FAM114A1: variants seen among roughly 807,000 people sequenced by gnomAD.
The protein encoded by FAM114A1 is family with sequence similarity 114 member A1.
A neutral mutation model predicts 64.3 loss-of-function variants in FAM114A1; 62 were observed. The ratio of observed to expected loss-of-function variants is 0.96; its 90% CI spans 0.79 to 1.19. The LOEUF is 1.19. Among genes scored for constraint, FAM114A1 ranks in the 50% most tolerant of loss-of-function variants. The probability of loss-of-function intolerance (pLI) is 0.00; values close to 1 mark genes in which losing one functional copy is unlikely to be tolerated. For synonymous variants in FAM114A1, 254 were observed against 251.1 expected (o/e 1.01, Z -0.11); for missense variants, 645 against 676.3 (o/e 0.95, Z 0.51).
intron 10 of FAM114A1, among the ~76,000 whole-genome samples, chr4:38,930,857 T>A: frequency 6.6e-6 from 1 of 152,312 alleles, no homozygotes; most frequent in East Asian, 1.9e-4. Flanking sequence ...ACTGCACTCA[T>A]GTGAAATTAA....
At chr4:38,898,771 G>C (rs1019718032) in intron 4 of FAM114A1, among the ~76,000 whole-genome samples, 14 of 151,896 alleles carry the variant, frequency 9.2e-5, no homozygotes. Flanking sequence ...CTCCCTTTTT[G>C]CTGCACTATA....
In FAM114A1 at chr4:38,894,194, G is replaced by A. The variant is rs377685561; in HGVS notation, c.436+2364G>A. Among the ~76,000 whole-genome samples, 546 of 145,638 alleles carry A rather than the reference G, an allele frequency of 3.7e-3. 5 individuals are homozygous for A. The highest frequency in any genetic ancestry group is 0.012 in the African/African-American group (460 of 39,496). On this transcript the variant is annotated intron_variant, in intron 4 of 14. Transcript: ENST00000358869. Reference sequence around the variant, plus strand: ...AAAAAAAAAAAAAAAAAAAAGCAGGGTGTGATTTTTCACAGCAGGTCCCTT... The same window carrying A: ...AAAAAAAAAAAAAAAAAAAAGCAGGATGTGATTTTTCACAGCAGGTCCCTT...
rs529130872 is a variant in FAM114A1, at chr4:38,878,200, A to G, written c.122A>G (p.His41Arg). 29 of 1,614,238 alleles carry G rather than the reference A, an allele frequency of 1.8e-5. 1 individual carries two copies. The highest frequency in any genetic ancestry group is 3.3e-4 in the Middle Eastern group (2 of 6,062). The change falls in exon 3 of 15, where the codon CAT becomes CGT. Residue 41 changes from histidine to arginine, a missense_variant. Physicochemically the swap from His to Arg is conservative, Grantham distance 29 (BLOSUM62 0). Coordinates refer to ENST00000358869, the MANE Select transcript of FAM114A1 (RefSeq NM_138389.4). ...CATTGTGATTCAGCTGCAGTTTCACATGAGCCAACACCAGCTGACCCCAGA... is the reference window on the plus strand; with the variant it reads ...CATTGTGATTCAGCTGCAGTTTCACGTGAGCCAACACCAGCTGACCCCAGA... Reference protein sequence around the residue: ...EVHCDSAAVSHEPTPADPRGE... With the variant: ...EVHCDSAAVSREPTPADPRGE...
chr4:38,908,225 T>C (rs1181715329), intron 6 of FAM114A1, among the ~76,000 whole-genome samples: 1 of 152,172 alleles, frequency 6.6e-6, no homozygotes, highest in Non-Finnish European at 1.5e-5. Context: ...CAGCAATTTA[T>C]TTTATGTTAA....
intron 9 of FAM114A1, among the ~76,000 whole-genome samples, chr4:38,924,532 C>G (rs1473374343): frequency 6.6e-6 from 1 of 152,224 alleles, no homozygotes; most frequent in Non-Finnish European, 1.5e-5. Context: ...TTTAGACACC[C>G]TTTCCCTCTT....
intron 13 of FAM114A1, among the ~76,000 whole-genome samples, chr4:38,939,776 T>C (rs1198866306): frequency 1.3e-5 from 2 of 152,098 alleles, no homozygotes; most frequent in African/African-American, 4.8e-5. Flanking sequence ...ATCCCTTTAA[T>C]GGTTTATGGT....
chr4:38,926,457 CTT>C (rs1376542912), intron 9 of FAM114A1, among the ~76,000 whole-genome samples: 5 of 145,064 alleles, frequency 3.4e-5, no homozygotes, highest in Admixed American at 6.9e-5. Flanking sequence ...TCTCTCTCCC[CTT>C]TTTTTTTTTT....
chr4:38,930,329 G>T (rs1293297775), intron 10 of FAM114A1, among the ~76,000 whole-genome samples: 2 of 152,032 alleles, frequency 1.3e-5, no homozygotes, highest in Non-Finnish European at 2.9e-5. Context: ...GTTTACATAG[G>T]TACTCACTTA....
chr4:38,886,985 A>T (rs1715880106), intron 3 of FAM114A1, among the ~76,000 whole-genome samples: 1 of 152,000 alleles, frequency 6.6e-6, no homozygotes, highest in Non-Finnish European at 1.5e-5. Flanking sequence ...GCATAGAAAA[A>T]GGCCGAAAAG....
chr4:38,930,980 A>G (rs1049981038), intron 10 of FAM114A1, among the ~76,000 whole-genome samples: 2 of 152,168 alleles, frequency 1.3e-5, no homozygotes, highest in African/African-American at 4.8e-5. Context: ...CCTTCCCAGC[A>G]TGATACATTG....
In FAM114A1 at chr4:38,919,088, G is replaced by C. The variant is rs149049983; in HGVS notation, c.946-3682G>C. The stretch of plus-strand genomic sequence containing the variant: ...GAGTCACTTGAACCTGGGGGGCGGA[G>C]GTTGTAGTGAGCCGAGATCACACCA... On this transcript the variant is annotated intron_variant, in intron 8 of 14. Transcript: ENST00000358869. Among the ~76,000 whole-genome samples, 1,250 of 151,266 alleles carry C rather than the reference G, an allele frequency of 8.3e-3. 18 individuals carry two copies. Among genetic ancestry groups the C allele is most frequent in the African/African-American group, 0.028 (1,163 of 41,110 alleles).
At chr4:38,930,852 A>G (rs1720567272) in intron 10 of FAM114A1, among the ~76,000 whole-genome samples, 3 of 152,158 alleles carry the variant, frequency 2.0e-5, no homozygotes, top group Admixed American at 2.0e-4. Flanking sequence ...CGTAAACTGC[A>G]CTCATGTGAA....
intron 9 of FAM114A1, 48 bp downstream of exon 9, chr4:38,922,941 T>C: frequency 6.4e-7 from 1 of 1,563,762 alleles, no homozygotes; most frequent in Non-Finnish European, 8.6e-7. Flanking sequence ...GGCATAATCC[T>C]TACGAAACTG....
rs16994942 is a variant in FAM114A1 at position 38,931,415 on chromosome 4, G to T, written c.1162-36G>T. The T allele has an allele frequency of 8.4e-4, 1,320 of 1,563,182 alleles. 13 individuals are homozygous for T. The African/African-American group carries it at 0.017, about 20-fold the overall frequency. ...GGAATGACTTAGTTTCCATATTTGCGCCATAAAAGGATTGTTTGGTTGGGG... is the reference window on the plus strand; with the variant it reads ...GGAATGACTTAGTTTCCATATTTGCTCCATAAAAGGATTGTTTGGTTGGGG... On this transcript the variant is annotated intron_variant, in intron 10 of 14. Coordinates refer to ENST00000358869, the MANE Select transcript of FAM114A1 (RefSeq NM_138389.4).
At chr4:38,935,676 C>T in intron 12 of FAM114A1, 42 bp from the exon 13 acceptor site, 3 of 1,405,896 alleles carry the variant, frequency 2.1e-6, no homozygotes, top group East Asian at 2.3e-5. Context: ...ATTATTTTAC[C>T]TTATTGAAAA....
chr4:38,930,835 C>T (rs1720565970), intron 10 of FAM114A1, among the ~76,000 whole-genome samples: 1 of 152,158 alleles, frequency 6.6e-6, no homozygotes, highest in African/African-American at 2.4e-5. Flanking sequence ...TTGCAGGGCA[C>T]AGAGTGCGTA....
At chr4:38,910,132 G>A (rs112516032) in intron 7 of FAM114A1, among the ~76,000 whole-genome samples, 7 of 152,082 alleles carry the variant, frequency 4.6e-5, no homozygotes, top group Admixed American at 6.5e-5. Context: ...CCAGCTACTC[G>A]GGAGGCTGAG....
intron 9 of FAM114A1, among the ~76,000 whole-genome samples, chr4:38,924,946 A>G (rs1301416371): frequency 1.3e-5 from 2 of 152,218 alleles, no homozygotes; most frequent in Non-Finnish European, 2.9e-5. Context: ...CCCCAACATC[A>G]AGGAGATATT....
intron 4 of FAM114A1, among the ~76,000 whole-genome samples, chr4:38,904,468 G>A (rs866325568): frequency 2.6e-5 from 4 of 152,316 alleles, no homozygotes; most frequent in Middle Eastern, 3.4e-3. Flanking sequence ...TTGAATAACC[G>A]CTCTGCCTGG....
Sources: allele counts gnomAD v4.1 joint callset (sites outside exome capture counted in the v4.1 genomes callset), GRCh38; gene constraint gnomAD v4.1.1; transcripts MANE v1.5; gene names NCBI Gene and HGNC (gene_info 2026-07-23, HGNC 2026-07-21).